Variants in MARCHF1 observed in about 807,000 individuals in gnomAD.
The protein encoded by MARCHF1 is membrane associated ring-CH-type finger 1, also known as E3 ubiquitin-protein ligase MARCHF1.
In MARCHF1, 40 loss-of-function variants were observed where a neutral mutation model predicts 54.2. That is an observed-to-expected ratio of 0.74 (90% CI 0.57 to 0.96). The LOEUF is 0.96. Ranked by LOEUF, MARCHF1 falls within the 40% of genes least tolerant of loss-of-function variation. MARCHF1 has a pLI of 0.00. For missense variants in MARCHF1, 586 were observed against 656.5 expected (o/e 0.89, Z 1.17); for synonymous variants, 236 against 236.3 (o/e 1.00, Z 0.01).
Position 163,860,841 on chromosome 4 carries a change from C to A in MARCHF1, c.-38-6672G>T, listed in dbSNP as rs188193900. ...GTAAACATTAAATACAGCCCAACTT[C>A]TAGCCGGAATAACACAGAAACTCCC... is the stretch of plus-strand genomic sequence containing the variant. On this transcript the variant is annotated intron_variant, in intron 3 of 9. Coordinates refer to ENST00000514618, the MANE Select transcript of MARCHF1 (RefSeq NM_001394959.1). Among the ~76,000 whole-genome samples the A allele has an allele frequency of 9.2e-5, 14 of 152,252 alleles. No individual in the cohort carries two copies. The East Asian group carries it at 2.5e-3, about 27-fold the overall frequency.
intron 2 of MARCHF1, among the ~76,000 whole-genome samples, chr4:164,009,429 T>C (rs1753370621): frequency 6.6e-6 from 1 of 152,076 alleles, no homozygotes; most frequent in Non-Finnish European, 1.5e-5. Flanking sequence ...AGGAAATACT[T>C]CTAAGCTCGT....
intron 2 of MARCHF1, among the ~76,000 whole-genome samples, chr4:164,100,355 A>G (rs187539477): frequency 6.6e-6 from 1 of 152,326 alleles, no homozygotes; most frequent in East Asian, 1.9e-4. Flanking sequence ...TATCTCCAAC[A>G]CCTGTCCAAA....
intron 2 of MARCHF1, among the ~76,000 whole-genome samples, chr4:164,004,134 G>A (rs1041567506): frequency 2.0e-5 from 3 of 151,930 alleles, no homozygotes; most frequent in African/African-American, 4.8e-5. Context: ...GGGGCCTGTC[G>A]AGGATTGTGG....
At chr4:164,261,056 G>A (rs1733447509) in intron 1 of MARCHF1, among the ~76,000 whole-genome samples, 1 of 151,972 alleles carries the variant, frequency 6.6e-6, no homozygotes. Flanking sequence ...ATAGAGAAAG[G>A]CACACGGGGA....
intron 4 of MARCHF1, among the ~76,000 whole-genome samples, chr4:163,710,874 T>G (rs1229849851): frequency 6.6e-6 from 1 of 152,126 alleles, no homozygotes; most frequent in Non-Finnish European, 1.5e-5. Context: ...GGTGATTACT[T>G]TTTTTAAAGC....
At chr4:163,574,157 GTTGT>G (rs1174966188) in intron 8 of MARCHF1, among the ~76,000 whole-genome samples, 12 of 152,054 alleles carry the variant, frequency 7.9e-5, no homozygotes, top group East Asian at 1.9e-4. Context: ...TTTTGATGGG[GTTGT>G]TTGTTTTTTC....
chr4:163,915,637 T>C (rs572231574), intron 3 of MARCHF1, among the ~76,000 whole-genome samples: 20 of 152,250 alleles, frequency 1.3e-4, no homozygotes, highest in African/African-American at 4.8e-4. Flanking sequence ...ACAGGGTAAA[T>C]TGTGAAATTC....
At chr4:163,872,634 T>C (rs984804746) in intron 3 of MARCHF1, among the ~76,000 whole-genome samples, 7 of 152,210 alleles carry the variant, frequency 4.6e-5, no homozygotes, top group African/African-American at 1.7e-4. Flanking sequence ...ATTCGTGTTT[T>C]ACTTTCAAGG....
At chr4:163,835,427 T>G (rs1749153795) in intron 4 of MARCHF1, among the ~76,000 whole-genome samples, 1 of 152,204 alleles carries the variant, frequency 6.6e-6, no homozygotes, top group South Asian at 2.1e-4. Context: ...CAACGTGAAC[T>G]ATAGCAAGTG....
chr4:164,181,684 ATAGATGTGATAAGCGCTGCT>A (rs1393324477), intron 1 of MARCHF1, among the ~76,000 whole-genome samples: 10 of 152,208 alleles, frequency 6.6e-5, no homozygotes, highest in African/African-American at 2.2e-4. Flanking sequence ...GTACGATGAA[ATAGATGTGATAAGCGCTGCT>A]TAGAACTTGA....
At chr4:164,227,501 G>A (rs1403131776) in intron 1 of MARCHF1, among the ~76,000 whole-genome samples, 1 of 152,178 alleles carries the variant, frequency 6.6e-6, no homozygotes, top group East Asian at 1.9e-4. Flanking sequence ...TTGGGTGACA[G>A]AGGCACTCAT....
At chr4:164,371,910 C>T (rs1011430298) in intron 1 of MARCHF1, among the ~76,000 whole-genome samples, 2 of 152,074 alleles carry the variant, frequency 1.3e-5, no homozygotes, top group African/African-American at 4.8e-5. Flanking sequence ...AGTAACGTAT[C>T]ATTTATACAT....
chr4:164,335,325 G>A (rs1729702033), intron 1 of MARCHF1, among the ~76,000 whole-genome samples: 1 of 152,184 alleles, frequency 6.6e-6, no homozygotes, highest in Non-Finnish European at 1.5e-5. Flanking sequence ...GCTCACGCCT[G>A]TAATCCCAGC....
At chr4:163,950,160 C>T (rs796296039) in intron 3 of MARCHF1, among the ~76,000 whole-genome samples, 95 of 152,288 alleles carry the variant, frequency 6.2e-4, no homozygotes, top group African/African-American at 2.1e-3. Flanking sequence ...GGGAGCCTGT[C>T]TGCCTCCTGC....
At chr4:164,303,967 C>T (rs193091585) in intron 1 of MARCHF1, among the ~76,000 whole-genome samples, 4 of 152,310 alleles carry the variant, frequency 2.6e-5, no homozygotes, top group East Asian at 1.9e-4. Flanking sequence ...CCCTATTTAC[C>T]GCATGCATTT....
chr4:163,877,117 C>T (rs1750306358), intron 3 of MARCHF1, among the ~76,000 whole-genome samples: 1 of 152,044 alleles, frequency 6.6e-6, no homozygotes, highest in African/African-American at 2.4e-5. Context: ...ATATGGAAAC[C>T]GTGTTCAGAA....
At chr4:164,239,701 G>A (rs1337827365) in intron 1 of MARCHF1, among the ~76,000 whole-genome samples, 1 of 152,090 alleles carries the variant, frequency 6.6e-6, no homozygotes, top group Non-Finnish European at 1.5e-5. Context: ...ATGACACCAT[G>A]ACACCTTAAG....
intron 1 of MARCHF1, among the ~76,000 whole-genome samples, chr4:164,346,669 T>C (rs1412160499): frequency 1.2e-5 from 1 of 86,328 alleles, no homozygotes; most frequent in Non-Finnish European, 2.5e-5. Context: ...TATATATATA[T>C]GTCCATATGC....
At chr4:163,661,219 TCTTTTTG>T (rs1188701661) in intron 5 of MARCHF1, among the ~76,000 whole-genome samples, 1 of 152,054 alleles carries the variant, frequency 6.6e-6, no homozygotes, top group Non-Finnish European at 1.5e-5. Context: ...CTACTAGCTG[TCTTTTTG>T]CTTTTTGCTT....
Sources: allele counts gnomAD v4.1 joint callset (sites outside exome capture counted in the v4.1 genomes callset), GRCh38; gene constraint gnomAD v4.1.1; transcripts MANE v1.5; gene names NCBI Gene and HGNC (gene_info 2026-07-23, HGNC 2026-07-21).